The following RUFY2 variants were observed in gnomAD, a reference collection of about 807,000 sequenced individuals.
RUFY2 encodes the protein RUN and FYVE domain-containing protein 2.
RUFY2 carries 49 observed loss-of-function variants against 94.4 expected under a neutral mutation model. The observed-to-expected ratio is 0.52, with a 90% confidence interval of 0.41 to 0.66. The LOEUF (loss-of-function observed/expected upper bound fraction) is 0.66. Among genes scored for constraint, RUFY2 ranks in the 30% least tolerant of loss-of-function variants. RUFY2 has a pLI of 0.00. For synonymous variants in RUFY2, 255 were observed against 235.7 expected (o/e 1.08, Z -0.75); for missense variants, 541 against 692.8 (o/e 0.78, Z 2.46).
chr10:68,394,491 T>G (rs2050230386), intron 4 of RUFY2, 40 bp from the exon 5 acceptor site: 4 of 1,472,772 alleles, frequency 2.7e-6, no homozygotes, highest in Non-Finnish European at 3.8e-6. Flanking sequence ...AATCACAAAT[T>G]TATTTCAAAA....
rs537107900 is a variant in RUFY2 at position 68,380,032 on chromosome 10, T to A, written c.1108-511A>T. On this transcript the variant is annotated intron_variant, in intron 11 of 17. Coordinates refer to ENST00000602465, the MANE Select transcript of RUFY2 (RefSeq NM_001330103.2). ...ACTGTGTTAGTCAGGATGGTCTCGA[T>A]CTCCTGACCTTGTGATCTGCCCGCC... Among the ~76,000 whole-genome samples the A allele has an allele frequency of 2.0e-5, 3 of 152,112 alleles. No individual in the cohort carries two copies. The East Asian group carries it at 5.8e-4, about 30-fold the overall frequency.
intron 12 of RUFY2, chr10:68,377,517 T>C (rs1379097856): frequency 1.0e-6 from 1 of 986,532 alleles, no homozygotes; most frequent in Non-Finnish European, 1.2e-6. Context: ...AAGCTCTGTG[T>C]GTGTGTGTGT....
At chr10:68,368,744 T>C (rs1042221187) in intron 13 of RUFY2, among the ~76,000 whole-genome samples, 3 of 151,998 alleles carry the variant, frequency 2.0e-5, no homozygotes, top group African/African-American at 7.2e-5. Context: ...AAGAACAACA[T>C]GGTGATGAGT....
intron 11 of RUFY2, among the ~76,000 whole-genome samples, chr10:68,380,043 T>C (rs2048936918): frequency 6.6e-6 from 1 of 152,082 alleles, no homozygotes; most frequent in South Asian, 2.1e-4. Flanking sequence ...CTCCTGACCT[T>C]GTGATCTGCC....
At position 68,389,699 on chromosome 10, in the gene RUFY2, C is replaced by T. The variant is rs374692604; in HGVS notation, c.650+3439G>A. On this transcript the variant is annotated intron_variant, in intron 7 of 17. Transcript: ENST00000602465. ...ATCCCAGAACTTTGGGAGGCCCAGG[C>T]GGGTGGATTGCTTAAGCCCAGTAGG... 5.3e-5 allele frequency among the ~76,000 whole-genome samples: 8 copies of T among 152,008 alleles called. No individual in the cohort carries two copies. The East Asian group carries it at 1.5e-3, about 29-fold the overall frequency.
intron 2 of RUFY2, among the ~76,000 whole-genome samples, chr10:68,404,353 C>T (rs2051105959): frequency 1.3e-5 from 2 of 152,096 alleles, no homozygotes; most frequent in Admixed American, 6.5e-5. Context: ...TTAATATGAG[C>T]TCATAACAGT....
intron 1 of RUFY2, chr10:68,406,734 G>A: frequency 6.3e-7 from 1 of 1,599,248 alleles, no homozygotes; most frequent in Non-Finnish European, 8.5e-7. Context: ...GGCCCCCCAG[G>A]ACCATCGCGG....
At chr10:68,368,037 C>T (rs1057423427) in intron 13 of RUFY2, among the ~76,000 whole-genome samples, 4 of 151,046 alleles carry the variant, frequency 2.6e-5, no homozygotes, top group African/African-American at 7.3e-5. Flanking sequence ...GTGACCTCAG[C>T]GCACTGCAAC....
In RUFY2 at chr10:68,370,989, G is replaced by A. The variant is rs536496002; in HGVS notation, c.1325+5864C>T. 1.3e-3 allele frequency among the ~76,000 whole-genome samples: 199 copies of A among 152,024 alleles called. 3 individuals are homozygous for A. Among genetic ancestry groups the A allele is most frequent in the South Asian group, 7.7e-3 (37 of 4,790 alleles). ...CTACTAAAAATACAAAAAATTAGCC[G>A]GGTGTGGTGACGGGCACCTGTAGTC... On this transcript the variant is annotated intron_variant, in intron 13 of 17. Transcript: ENST00000602465.
At chr10:68,372,490 G>C (rs1334795818) in intron 13 of RUFY2, among the ~76,000 whole-genome samples, 1 of 151,522 alleles carries the variant, frequency 6.6e-6, no homozygotes. Flanking sequence ...AAAGGCAAGA[G>C]CATTGCTTGA....
chr10:68,407,156 T>G (rs59831114), intron 1 of RUFY2, 30 bp downstream of exon 1: 1,427,430 of 1,480,286 alleles, frequency 0.96, 688,355 homozygotes, highest in East Asian at 1. Context: ...ACTGAGGGCC[T>G]AGCGTTCGGT....
intron 13 of RUFY2, among the ~76,000 whole-genome samples, chr10:68,367,211 T>C (rs2047911798): frequency 6.6e-6 from 1 of 152,160 alleles, no homozygotes; most frequent in South Asian, 2.1e-4. Context: ...ATCAGATTTG[T>C]CTTACCTATG....
chr10:68,377,304 T>C (rs1589887636), intron 12 of RUFY2: 3 of 1,113,430 alleles, frequency 2.7e-6, no homozygotes, highest in South Asian at 2.4e-5. Flanking sequence ...ATAATAGGTA[T>C]GTTACTACCT....
chr10:68,380,848 C>A (rs1040268514), intron 11 of RUFY2, among the ~76,000 whole-genome samples: 1 of 151,690 alleles, frequency 6.6e-6, no homozygotes, highest in East Asian at 1.9e-4. Context: ...GGCAACAGAG[C>A]GAGACTCCAT....
At chr10:68,348,323 T>G (rs932582275) in intron 16 of RUFY2, among the ~76,000 whole-genome samples, 1 of 151,054 alleles carries the variant, frequency 6.6e-6, no homozygotes, top group Non-Finnish European at 1.5e-5. Context: ...CTGGGCAACA[T>G]AGCAAGACCC....
intron 13 of RUFY2, among the ~76,000 whole-genome samples, chr10:68,374,712 T>C (rs1589872991): frequency 6.6e-6 from 1 of 152,238 alleles, no homozygotes; most frequent in East Asian, 1.9e-4. Context: ...GGTCTTGTTT[T>C]AATGATCTGT....
At position 68,344,219 on chromosome 10, in the gene RUFY2, GGCTAT is replaced by G. The variant is rs2046145209; in HGVS notation, c.*1544_*1548del. The G allele has an allele frequency of 6.6e-6, 1 of 152,172 alleles. No homozygotes were observed. The highest frequency in any genetic ancestry group is 1.5e-5 in the Non-Finnish European group (1 of 68,014). 9.4% of individuals were successfully genotyped at this position (152,172 alleles called of 1,614,324 possible). A position where few individuals can be genotyped will look rare whatever the true frequency, so the allele number is the denominator to read the frequency against. On this transcript the variant is annotated 3_prime_UTR_variant, in exon 18 of 18. Transcript: ENST00000602465. Reference sequence around the variant, plus strand: ...AAGTAAAATATTCATTTCATACTTAGGCTATTCAGAAAAATTTAAATTTCATGGAA... The same window carrying G: ...AAGTAAAATATTCATTTCATACTTAGTCAGAAAAATTTAAATTTCATGGAA...
At position 68,345,685 on chromosome 10, in the gene RUFY2, G is replaced by A. The variant is rs1589744318; in HGVS notation, c.*83C>T. The A allele has an allele frequency of 7.7e-7, 1 of 1,296,438 alleles. No individual in the cohort carries two copies. 80.3% of individuals were successfully genotyped at this position (1,296,438 alleles called of 1,614,324 possible). A position where few individuals can be genotyped will look rare whatever the true frequency, so the allele number is the denominator to read the frequency against. ...AAATACTGACCGAAAGCCGCTTAAG[G>A]AGAGCTGTCTGGTTACCTTTGTATA... On this transcript the variant is annotated 3_prime_UTR_variant, in exon 18 of 18. Transcript: ENST00000602465.
At chr10:68,354,659 C>T (rs141720886) in intron 16 of RUFY2, among the ~76,000 whole-genome samples, 42 of 152,232 alleles carry the variant, frequency 2.8e-4, no homozygotes, top group Admixed American at 1.4e-3. Context: ...AGCAACCCTA[C>T]GCAGAATCAT....
Sources: gnomAD v4.1 joint callset for allele counts (sites outside exome capture counted in the v4.1 genomes callset) on GRCh38, gnomAD v4.1.1 for gene constraint, MANE v1.5 for transcripts, NCBI Gene and HGNC (gene_info 2026-07-23, HGNC 2026-07-21) for gene names.